Variants in TRAT1 observed in about 807,000 individuals in gnomAD.
The protein encoded by TRAT1 is T-cell receptor-associated transmembrane adapter 1.
A neutral mutation model predicts 20.0 loss-of-function variants in TRAT1; 20 were observed. The observed-to-expected ratio is 1.00, with a 90% CI of 0.70 to 1.45. TRAT1 has a LOEUF of 1.45. Among genes scored for constraint, TRAT1 ranks in the 40% most tolerant of loss-of-function variants. The pLI is 0.00. For missense variants in TRAT1, 237 were observed against 224.1 expected (o/e 1.06, Z -0.37); for synonymous variants, 77 against 74.2 (o/e 1.04, Z -0.20).
At chr3:108,843,083 G>A (rs904339251) in intron 3 of TRAT1, among the ~76,000 whole-genome samples, 13 of 152,178 alleles carry the variant, frequency 8.5e-5, no homozygotes, top group African/African-American at 3.1e-4. Context: ...CCATGCCAGA[G>A]AAAGCGAAAA....
At chr3:108,849,806 A>T (rs1214578013) in intron 5 of TRAT1, among the ~76,000 whole-genome samples, 1 of 152,206 alleles carries the variant, frequency 6.6e-6, no homozygotes, top group Non-Finnish European at 1.5e-5. Flanking sequence ...CTAAGGAGAA[A>T]CATAAAAATA....
In TRAT1 at chr3:108,827,384, A is replaced by ATGTGTG. The variant is rs71103493; in HGVS notation, c.8-3254_8-3249dup. On this transcript the variant is annotated intron_variant, in intron 1 of 5. Transcript: ENST00000295756. ...AAGGGGAGGTATAAAGTATGTGTGTATGTGTGTGTGTGTGTGTGTGTGTGT... is the reference window on the plus strand; with the variant it reads ...AAGGGGAGGTATAAAGTATGTGTGTATGTGTGTGTGTGTGTGTGTGTGTGTGTGTGT... Among the ~76,000 whole-genome samples the ATGTGTG allele has an allele frequency of 3.1e-3, 453 of 145,214 alleles. 3 individuals carry two copies. Among genetic ancestry groups the ATGTGTG allele is most frequent in the African/African-American group, 0.011 (411 of 39,068 alleles).
At chr3:108,836,160 T>C (rs958815357) in intron 2 of TRAT1, among the ~76,000 whole-genome samples, 6 of 152,138 alleles carry the variant, frequency 3.9e-5, no homozygotes, top group East Asian at 1.9e-4. Flanking sequence ...CCTCGTGATC[T>C]GCCCACCTTG....
intron 3 of TRAT1, among the ~76,000 whole-genome samples, chr3:108,844,843 C>CAAAAAAAAAA (rs71103495): frequency 2.1e-5 from 1 of 47,834 alleles, no homozygotes; most frequent in African/African-American, 8.5e-5. Context: ...GACTCTGTCT[C>CAAAAAAAAAA]AAAAAAAAAA....
rs200580102 is a variant in TRAT1 at position 108,847,031 on chromosome 3, G to A, written c.153-37G>A. On this transcript the variant is annotated intron_variant, in intron 3 of 5. Transcript: ENST00000295756. ...GTCAGTTATGAATTATGTGAAAAGT[G>A]GAATCTAATAAGGTAAATTATTTTT... 2.0e-4 allele frequency: 245 copies of A among 1,239,800 alleles called. 1 individual carries two copies. In the South Asian group the frequency reaches 2.6e-3, roughly 13 times the overall value. The allele number at this position is 1,239,800 out of a possible 1,614,324, so 76.8% of individuals were successfully genotyped here. A position where few individuals can be genotyped will look rare whatever the true frequency, so the allele number is the denominator to read the frequency against.
intron 2 of TRAT1, among the ~76,000 whole-genome samples, chr3:108,835,891 GTTTGTATTTATTTATTTATT>G (rs1253052411): frequency 6.8e-6 from 1 of 146,622 alleles, no homozygotes; most frequent in Non-Finnish European, 1.5e-5. Flanking sequence ...TTAGTTGTTT[GTTTGTATTTATTTATTTATT>G]TATTTATTTA....
At chr3:108,831,791 C>T (rs959145880) in intron 2 of TRAT1, among the ~76,000 whole-genome samples, 8 of 152,100 alleles carry the variant, frequency 5.3e-5, no homozygotes, top group African/African-American at 1.9e-4. Context: ...CATCCTCCTG[C>T]CTTGGCCTCC....
At chr3:108,844,456 T>C (rs956220268) in intron 3 of TRAT1, among the ~76,000 whole-genome samples, 1 of 144,766 alleles carries the variant, frequency 6.9e-6, no homozygotes, top group Non-Finnish European at 1.5e-5. Context: ...GTTATTTAAA[T>C]GGACTTTGAT....
Position 108,830,753 on chromosome 3 carries a change from TC to T in TRAT1, c.94del (p.His32ThrfsTer35). The T allele has an allele frequency of 6.2e-7, 1 of 1,613,512 alleles. No individual in the cohort carries two copies. The highest frequency in any genetic ancestry group is 8.5e-7 in the Non-Finnish European group (1 of 1,179,466). On this transcript the variant is annotated frameshift_variant, in exon 2 of 6. Coordinates refer to ENST00000295756, the MANE Select transcript of TRAT1 (RefSeq NM_016388.4). LOFTEE classifies it high-confidence loss of function. ...GGTTATATCACTGATCTTCAATATT[TC>T]CCACTATGTGGAAAAGCAACGACAA... ...ALVISLIFNI[S>X]HYVEKQRQDK...
chr3:108,842,197 G>T (rs1423484724), intron 3 of TRAT1, among the ~76,000 whole-genome samples: 1 of 152,190 alleles, frequency 6.6e-6, no homozygotes, highest in South Asian at 2.1e-4. Flanking sequence ...ATTTCCAGCA[G>T]ATTTTCATGA....
intron 2 of TRAT1, among the ~76,000 whole-genome samples, chr3:108,838,356 TGATA>T (rs11371183): frequency 0.27 from 20,446 of 76,792 alleles, 1,583 homozygotes; most frequent in East Asian, 0.31. Context: ...TATAGATAGA[TGATA>T]GATAGATAGA....
chr3:108,839,554 G>C (rs940976401), intron 3 of TRAT1, among the ~76,000 whole-genome samples: 1 of 151,842 alleles, frequency 6.6e-6, no homozygotes, highest in Non-Finnish European at 1.5e-5. Flanking sequence ...GCTGAGGCAG[G>C]AGAATCACTT....
At chr3:108,826,548 C>A (rs1391477602) in intron 1 of TRAT1, among the ~76,000 whole-genome samples, 1 of 152,056 alleles carries the variant, frequency 6.6e-6, no homozygotes, top group Admixed American at 6.6e-5. Flanking sequence ...GATCATGTGT[C>A]ACGTTCAAAA....
At chr3:108,847,896 C>T (rs1382536655) in intron 4 of TRAT1, among the ~76,000 whole-genome samples, 1 of 152,116 alleles carries the variant, frequency 6.6e-6, no homozygotes, top group Non-Finnish European at 1.5e-5. Flanking sequence ...ATCTAAAAAT[C>T]TATATATTAA....
In TRAT1 at chr3:108,835,942, G is replaced by T. The variant is rs143430979; in HGVS notation, c.119-2992G>T. Reference sequence around the variant, plus strand: ...ATTTATTTATTTATTTATTTTTTGAGAAAGTCTTGCTCTGTCGCCCAGGCT... The same window carrying T: ...ATTTATTTATTTATTTATTTTTTGATAAAGTCTTGCTCTGTCGCCCAGGCT... On this transcript the variant is annotated intron_variant, in intron 2 of 5. Transcript: ENST00000295756. Among the ~76,000 whole-genome samples the T allele has an allele frequency of 5.6e-4, 84 of 149,526 alleles. No homozygotes were observed. The East Asian group carries it at 0.012, about 21-fold the overall frequency.
intron 2 of TRAT1, among the ~76,000 whole-genome samples, chr3:108,837,352 T>C (rs1945850018): frequency 6.6e-6 from 1 of 152,228 alleles, no homozygotes; most frequent in South Asian, 2.1e-4. Context: ...TTCCCTCATT[T>C]AGTCCTTCAC....
At chr3:108,851,797 C>T (rs1252308068) in intron 5 of TRAT1, among the ~76,000 whole-genome samples, 2 of 152,168 alleles carry the variant, frequency 1.3e-5, no homozygotes, top group South Asian at 2.1e-4. Context: ...TGGAAGTCTC[C>T]AGTGACTATT....
rs553279622 is a variant in TRAT1, at chr3:108,830,647, T to C, written c.8-23T>C. 20 of 1,458,064 alleles carry C rather than the reference T, an allele frequency of 1.4e-5. No homozygotes were observed. The East Asian group carries it at 4.1e-4, about 30-fold the overall frequency. 90.3% of individuals were successfully genotyped at this position (1,458,064 alleles called of 1,614,324 possible). ...ATGGGTAAGCAGCTGTTATATTATGTGTATGTTTATTTTAATTTCCAGGAA... is the reference window on the plus strand; with the variant it reads ...ATGGGTAAGCAGCTGTTATATTATGCGTATGTTTATTTTAATTTCCAGGAA... On this transcript the variant is annotated intron_variant, in intron 1 of 5. Coordinates refer to ENST00000295756, the MANE Select transcript of TRAT1 (RefSeq NM_016388.4).
chr3:108,832,565 A>T (rs1417951466), intron 2 of TRAT1, among the ~76,000 whole-genome samples: 4 of 152,190 alleles, frequency 2.6e-5, no homozygotes, highest in Non-Finnish European at 5.9e-5. Flanking sequence ...TATCTTATAA[A>T]TCCAGATAAT....
Sources: gnomAD v4.1 joint callset for allele counts (sites outside exome capture counted in the v4.1 genomes callset) on GRCh38, gnomAD v4.1.1 for gene constraint, MANE v1.5 for transcripts, NCBI Gene and HGNC (gene_info 2026-07-23, HGNC 2026-07-21) for gene names.